Variants in AGBL4 observed in about 807,000 individuals in gnomAD.
AGBL4 encodes the protein cytosolic carboxypeptidase 6.
In AGBL4, 58 loss-of-function variants were observed where a neutral mutation model predicts 66.4. That is an observed-to-expected ratio of 0.87 (90% CI 0.71 to 1.09). The LOEUF is 1.09. Ranked by LOEUF, AGBL4 falls within the 50% of genes least tolerant of loss-of-function variation. The pLI, the probability that AGBL4 is intolerant of heterozygous loss-of-function variation, is 0.00. For synonymous variants in AGBL4, 234 were observed against 222.9 expected, an observed-to-expected ratio of 1.05 and a Z score of -0.44; for missense variants, 579 against 631.0, an observed-to-expected ratio of 0.92 and a Z score of 0.88.
At chr1:48,582,017 C>T (rs1369584164) in intron 11 of AGBL4, among the ~76,000 whole-genome samples, 2 of 152,148 alleles carry the variant, frequency 1.3e-5, no homozygotes, top group African/African-American at 4.8e-5. Context: ...ATGGGCCTTC[C>T]TCCCAAAAAA....
chr1:49,963,150 TAAC>T (rs768883015), intron 1 of AGBL4, among the ~76,000 whole-genome samples: 2 of 152,126 alleles, frequency 1.3e-5, no homozygotes, highest in Non-Finnish European at 2.9e-5. Flanking sequence ...CTATAACAAG[TAAC>T]AAAAATAATT....
intron 3 of AGBL4, among the ~76,000 whole-genome samples, chr1:49,468,121 G>A (rs1392664583): frequency 6.6e-6 from 1 of 151,754 alleles, no homozygotes; most frequent in Non-Finnish European, 1.5e-5. Context: ...GAAATGCATG[G>A]GTCCACTTAT....
intron 5 of AGBL4, among the ~76,000 whole-genome samples, chr1:48,992,091 T>C (rs1459923253): frequency 6.6e-6 from 1 of 152,208 alleles, no homozygotes; most frequent in Non-Finnish European, 1.5e-5. Flanking sequence ...GGATTTATTG[T>C]AGTCTTCACA....
chr1:49,614,644 A>C (rs374587935), intron 3 of AGBL4, among the ~76,000 whole-genome samples: 1 of 152,134 alleles, frequency 6.6e-6, no homozygotes. Flanking sequence ...AAGCAGTTGT[A>C]CCAATTTATA....
At chr1:49,394,342 G>T (rs1364196931) in intron 3 of AGBL4, among the ~76,000 whole-genome samples, 5 of 151,860 alleles carry the variant, frequency 3.3e-5, no homozygotes, top group Non-Finnish European at 5.9e-5. Context: ...CCAAGCTGAA[G>T]AGGTGCTAAT....
At chr1:48,591,106 A>ACC in intron 9 of AGBL4, 121 bp from the exon 10 acceptor site, 1 of 698,186 alleles carries the variant, frequency 1.4e-6, no homozygotes, top group Non-Finnish European at 2.1e-6. Flanking sequence ...CCCCACACAC[A>ACC]CACACACATC....
chr1:49,940,590 C>G (rs1194814632), intron 1 of AGBL4, among the ~76,000 whole-genome samples: 2 of 152,030 alleles, frequency 1.3e-5, no homozygotes, highest in Non-Finnish European at 1.5e-5. Flanking sequence ...TCTCAGTAAA[C>G]TATCACAAGA....
At chr1:49,659,958 G>T (rs1049067581) in intron 3 of AGBL4, among the ~76,000 whole-genome samples, 2 of 151,970 alleles carry the variant, frequency 1.3e-5, no homozygotes, top group Non-Finnish European at 2.9e-5. Context: ...ACTCAAGACG[G>T]ATAAAAGACT....
rs533694064 is a variant in AGBL4, at chr1:49,109,276, A to G, written c.378-63476T>C. 3.9e-5 allele frequency among the ~76,000 whole-genome samples: 6 copies of G among 152,290 alleles called. No individual in the cohort carries two copies. In the East Asian group the frequency reaches 1.2e-3, roughly 29 times the overall value. ...TCTCTGAGGGAACAGCTACTGTGGA[A>G]GCCATCACCCACCCAGTGAATCTAG... On this transcript the variant is annotated intron_variant, in intron 4 of 13. Transcript: ENST00000371839.
intron 1 of AGBL4, among the ~76,000 whole-genome samples, chr1:49,878,334 T>C (rs1339991664): frequency 1.3e-5 from 2 of 149,518 alleles, no homozygotes; most frequent in African/African-American, 2.5e-5. Context: ...GCTTTGAATG[T>C]GTCCCAGAGA....
chr1:49,705,300 T>C (rs1647188116), intron 2 of AGBL4, among the ~76,000 whole-genome samples: 1 of 152,204 alleles, frequency 6.6e-6, no homozygotes, highest in Admixed American at 6.5e-5. Context: ...TTGCTGAAGT[T>C]ATCAGGTTAA....
rs376451280 is a variant in AGBL4 at position 49,915,510 on chromosome 1, A to G, written c.35-63992T>C. ...TGCTAGCACAGCAGTCTGAGATCAA[A>G]CTGCAAGGGGGCAGTGAGGCTGGGG... On this transcript the variant is annotated intron_variant, in intron 1 of 13. Coordinates refer to ENST00000371839, the MANE Select transcript of AGBL4 (RefSeq NM_032785.4). Among the ~76,000 whole-genome samples, 28 of 152,204 alleles carry G rather than the reference A, an allele frequency of 1.8e-4. 1 individual carries two copies. In the East Asian group the frequency reaches 4.1e-3, roughly 22 times the overall value.
At chr1:48,686,828 C>A (rs1646540318) in intron 6 of AGBL4, among the ~76,000 whole-genome samples, 1 of 152,232 alleles carries the variant, frequency 6.6e-6, no homozygotes, top group African/African-American at 2.4e-5. Flanking sequence ...ACTCAGCAAC[C>A]TCTGAGGGCC....
intron 5 of AGBL4, among the ~76,000 whole-genome samples, chr1:48,919,691 G>C (rs747529241): frequency 5.3e-5 from 8 of 152,166 alleles, no homozygotes; most frequent in Non-Finnish European, 1.0e-4. Flanking sequence ...ATGTTTAGCA[G>C]CATGCATGGC....
intron 6 of AGBL4, among the ~76,000 whole-genome samples, chr1:48,771,269 A>T (rs1169695586): frequency 6.6e-6 from 1 of 152,204 alleles, no homozygotes; most frequent in East Asian, 1.9e-4. Flanking sequence ...AAGACAAAGC[A>T]GGTAGGCACA....
chr1:49,361,769 A>T (rs1198581773), intron 3 of AGBL4, among the ~76,000 whole-genome samples: 1 of 152,046 alleles, frequency 6.6e-6, no homozygotes, highest in Admixed American at 6.6e-5. Context: ...ACACACACAT[A>T]CACACACACG....
At chr1:48,663,730 T>C (rs1219337226) in intron 6 of AGBL4, among the ~76,000 whole-genome samples, 2 of 152,150 alleles carry the variant, frequency 1.3e-5, no homozygotes, top group African/African-American at 2.4e-5. Flanking sequence ...AGGTAGCTAT[T>C]TATATATTAG....
chr1:49,593,747 T>C (rs755178633), intron 3 of AGBL4, among the ~76,000 whole-genome samples: 10 of 152,294 alleles, frequency 6.6e-5, no homozygotes, highest in Admixed American at 1.3e-4. Flanking sequence ...ATAGTTATAA[T>C]AATTAAGTAA....
At chr1:48,877,545 T>C (rs1437347698) in intron 5 of AGBL4, among the ~76,000 whole-genome samples, 1 of 152,006 alleles carries the variant, frequency 6.6e-6, no homozygotes, top group Non-Finnish European at 1.5e-5. Context: ...AAAAAAGAAT[T>C]TGAAGATCTT....
Sources: allele counts gnomAD v4.1 joint callset (sites outside exome capture counted in the v4.1 genomes callset), GRCh38; gene constraint gnomAD v4.1.1; transcripts MANE v1.5; gene names NCBI Gene and HGNC (gene_info 2026-07-23, HGNC 2026-07-21).